EXOC6: variants seen among roughly 807,000 people sequenced by gnomAD.
The protein encoded by EXOC6 is SEC15-like 1.
In EXOC6, 60 loss-of-function variants were observed where a neutral mutation model predicts 112.5. The observed-to-expected ratio is 0.53, with a 90% CI of 0.43 to 0.66. The LOEUF (loss-of-function observed/expected upper bound fraction) is 0.66. EXOC6 is among the 30% of genes least tolerant of loss of function. EXOC6 has a pLI of 0.00. For missense variants in EXOC6, 855 were observed against 957.1 expected, an observed-to-expected ratio of 0.89 and a Z score of 1.41; for synonymous variants, 295 against 308.0, an observed-to-expected ratio of 0.96 and a Z score of 0.44.
At chr10:92,996,827 A>G (rs748386291) in intron 18 of EXOC6, among the ~76,000 whole-genome samples, 1 of 152,168 alleles carries the variant, frequency 6.6e-6, no homozygotes, top group African/African-American at 2.4e-5. Context: ...CATACTTCCA[A>G]CCTACCAGAT....
chr10:93,041,390 G>GTTTA (rs1292264887), intron 20 of EXOC6, among the ~76,000 whole-genome samples: 8 of 152,106 alleles, frequency 5.3e-5, no homozygotes, highest in East Asian at 1.9e-4. Context: ...TTGTTTGTTT[G>GTTTA]TTTATTTATT....
chr10:92,990,007 A>C (rs1316229879), intron 18 of EXOC6, among the ~76,000 whole-genome samples: 1 of 152,220 alleles, frequency 6.6e-6, no homozygotes, highest in Middle Eastern at 3.2e-3. Flanking sequence ...ACAAAAATCA[A>C]CATGAACAAA....
intron 1 of EXOC6, among the ~76,000 whole-genome samples, chr10:92,875,455 G>A (rs1848642262): frequency 6.6e-6 from 1 of 152,130 alleles, no homozygotes; most frequent in African/African-American, 2.4e-5. Context: ...GTAAATGTAT[G>A]TCTTTGTGTA....
intron 1 of EXOC6, among the ~76,000 whole-genome samples, chr10:92,878,693 C>A (rs888277448): frequency 3.9e-5 from 6 of 152,156 alleles, no homozygotes; most frequent in African/African-American, 1.4e-4. Flanking sequence ...GTCAAACTGT[C>A]ACCTGACATT....
intron 18 of EXOC6, among the ~76,000 whole-genome samples, chr10:92,989,284 C>T (rs1005696068): frequency 6.6e-6 from 1 of 152,008 alleles, no homozygotes. Context: ...AAGTATACTG[C>T]CTAAAAAATC....
At chr10:93,015,549 C>T (rs570240951) in intron 20 of EXOC6, among the ~76,000 whole-genome samples, 10 of 152,118 alleles carry the variant, frequency 6.6e-5, no homozygotes, top group South Asian at 4.2e-4. Flanking sequence ...TTGGCTAACA[C>T]GGTGAAACCC....
At chr10:92,862,983 C>T (rs890671531) in intron 1 of EXOC6, among the ~76,000 whole-genome samples, 4 of 152,178 alleles carry the variant, frequency 2.6e-5, no homozygotes, top group African/African-American at 9.7e-5. Flanking sequence ...GTCTCTGAAA[C>T]TGCCCTTCAT....
At chr10:93,022,134 T>C (rs549479966) in intron 20 of EXOC6, among the ~76,000 whole-genome samples, 5 of 152,340 alleles carry the variant, frequency 3.3e-5, no homozygotes, top group African/African-American at 1.2e-4. Context: ...TAAGACATAC[T>C]TATAAATATT....
chr10:92,997,425 TTCTA>T (rs1426553455), intron 18 of EXOC6, 45 bp from the exon 19 acceptor site: 1 of 1,544,766 alleles, frequency 6.5e-7, no homozygotes, highest in African/African-American at 1.4e-5. Context: ...TATGATGTAT[TTCTA>T]TGTGTGTTTA....
In EXOC6 at chr10:92,986,508, G is replaced by A. The variant is rs545529214; in HGVS notation, c.1954-10966G>A. Among the ~76,000 whole-genome samples the A allele has an allele frequency of 1.2e-4, 18 of 151,524 alleles. No individual in the cohort carries two copies. The South Asian group carries it at 3.5e-3, about 30-fold the overall frequency. ...GTATCTGCTTCTTCCATTTCTGCTTGTGGTTTCTCCTTTACTCATTGTGTA... is the reference window on the plus strand; with the variant it reads ...GTATCTGCTTCTTCCATTTCTGCTTATGGTTTCTCCTTTACTCATTGTGTA... On this transcript the variant is annotated intron_variant, in intron 18 of 21. Transcript: ENST00000260762.
chr10:92,868,878 T>A (rs1173822054), intron 1 of EXOC6, among the ~76,000 whole-genome samples: 1 of 147,396 alleles, frequency 6.8e-6, no homozygotes, highest in Non-Finnish European at 1.5e-5. Context: ...AGTGGCATGA[T>A]CATGACTCAC....
At chr10:92,928,140 C>T (rs192491337) in intron 8 of EXOC6, among the ~76,000 whole-genome samples, 199 bp from the exon 9 acceptor site, 38 of 152,234 alleles carry the variant, frequency 2.5e-4, no homozygotes, top group Middle Eastern at 3.4e-3. Context: ...CTTTATTCTT[C>T]CTAATAGTCA....
At chr10:93,054,747 G>A (rs1262494060) in intron 20 of EXOC6, among the ~76,000 whole-genome samples, 1 of 152,176 alleles carries the variant, frequency 6.6e-6, no homozygotes, top group Non-Finnish European at 1.5e-5. Context: ...GCCTTAAGAG[G>A]TTGCTTTCTG....
upstream of EXOC6, chr10:92,848,433 G>GGGC: frequency 2.3e-6 from 2 of 855,808 alleles, no homozygotes; most frequent in Non-Finnish European, 2.8e-6. Context: ...CGGCCCGAGC[G>GGGC]CCCCGCCCCC....
chr10:92,898,147 G>C (rs1457516281), intron 4 of EXOC6, among the ~76,000 whole-genome samples: 1 of 151,922 alleles, frequency 6.6e-6, no homozygotes, highest in Non-Finnish European at 1.5e-5. Context: ...GCTTGGGCAT[G>C]GTGACTCATG....
At chr10:92,865,305 G>C (rs942087785) in intron 1 of EXOC6, among the ~76,000 whole-genome samples, 1 of 152,014 alleles carries the variant, frequency 6.6e-6, no homozygotes, top group Non-Finnish European at 1.5e-5. Context: ...AGGCCAAGGC[G>C]GGTGAATCAC....
At chr10:92,831,499 T>C, upstream of EXOC6, 1 of 361,394 alleles carries the variant, frequency 2.8e-6, no homozygotes, top group Non-Finnish European at 4.8e-6. Flanking sequence ...AATGGCGTGA[T>C]CTCGGCTCAC....
chr10:92,852,043 T>C (rs955642836), intron 1 of EXOC6, among the ~76,000 whole-genome samples: 8 of 152,178 alleles, frequency 5.3e-5, no homozygotes, highest in Non-Finnish European at 1.2e-4. Context: ...CACTCCAGCC[T>C]AGGCAACAGA....
chr10:92,928,882 T>C (rs1564838422), intron 9 of EXOC6, among the ~76,000 whole-genome samples: 1 of 152,226 alleles, frequency 6.6e-6, no homozygotes, highest in Non-Finnish European at 1.5e-5. Flanking sequence ...GTAAAACTCA[T>C]AGAAGCTGAA....
Sources: allele counts gnomAD v4.1 joint callset (sites outside exome capture counted in the v4.1 genomes callset), GRCh38; gene constraint gnomAD v4.1.1; transcripts MANE v1.5; gene names NCBI Gene and HGNC (gene_info 2026-07-23, HGNC 2026-07-21).